Variants in RIMBP2 observed in about 807,000 individuals in gnomAD.
The protein encoded by RIMBP2 is RIMS-binding protein 2.
Under a neutral mutation model 118.6 loss-of-function variants are expected in RIMBP2, and 48 were observed. The ratio of observed to expected loss-of-function variants is 0.40; its 90% CI spans 0.32 to 0.51. The LOEUF (loss-of-function observed/expected upper bound fraction) is 0.51. RIMBP2 is among the 20% of genes least tolerant of loss of function. The pLI, the probability that RIMBP2 is intolerant of heterozygous loss-of-function variation, is 0.41. For missense variants in RIMBP2, 1,551 were observed against 1,768.3 expected, an observed-to-expected ratio of 0.88 and a Z score of 2.20; for synonymous variants, 762 against 742.9, an observed-to-expected ratio of 1.03 and a Z score of -0.42.
At position 130,620,673 on chromosome 12, in the gene RIMBP2, C is replaced by G. The variant is rs1050557140; in HGVS notation, c.-217+7649G>C. Among the ~76,000 whole-genome samples the G allele has an allele frequency of 6.6e-6, 1 of 152,160 alleles. No homozygotes were observed. The highest frequency in any genetic ancestry group is 2.4e-5 in the African/African-American group (1 of 41,434). On this transcript the variant is annotated intron_variant, in intron 2 of 22. Transcript: ENST00000690449. This position sits in a 1 kb window ranked among gnomAD's most constrained non-coding sequence, Gnocchi z 5.3. ...CTTCGTGGCTCCTAGAAGCACCACC[C>G]CAATCCCTGCCAATGTTCTCTGCAT...
rs1202317106 is a variant in RIMBP2 at position 130,450,315 on chromosome 12, G to A, written c.505-39C>T. The A allele has an allele frequency of 6.7e-7, 1 of 1,489,630 alleles. No individual in the cohort carries two copies. The highest frequency in any genetic ancestry group is 1.8e-5 in the Admixed American group (1 of 57,120). 92.3% of individuals were successfully genotyped at this position (1,489,630 alleles called of 1,614,324 possible). On this transcript the variant is annotated intron_variant, in intron 8 of 22. Coordinates refer to ENST00000690449, the MANE Select transcript of RIMBP2 (RefSeq NM_001393629.1). This position sits in a 1 kb window ranked among gnomAD's most constrained non-coding sequence, Gnocchi z 4.8. ...AATGGGTGTGTGGGTTATTGAAGCT[G>A]GAGGTGTCCCACCCCATTCCCGCGG...
In RIMBP2 at chr12:130,646,301, ACCTCCCTCACCACTTCCCTCT is replaced by A. The variant is rs1566423003; in HGVS notation, c.-351-17866_-351-17846del. 2.8e-5 allele frequency among the ~76,000 whole-genome samples: 3 copies of A among 106,730 alleles called. 1 individual carries two copies. Among genetic ancestry groups the A allele is most frequent in the Admixed American group, 2.8e-4 (3 of 10,796 alleles). 70.0% of individuals were successfully genotyped at this position (106,730 alleles called of 152,430 possible). Reference sequence around the variant, plus strand: ...CACCTCCCTCACCACCTGCCTCTCCACCTCCCTCACCACTTCCCTCTCCACCTGCCTCACCACCTCCCTCAC... The same window carrying A: ...CACCTCCCTCACCACCTGCCTCTCCACCACCTGCCTCACCACCTCCCTCAC... On this transcript the variant is annotated intron_variant, in intron 1 of 22. Coordinates refer to ENST00000690449, the MANE Select transcript of RIMBP2 (RefSeq NM_001393629.1).
intron 19 of RIMBP2, among the ~76,000 whole-genome samples, chr12:130,409,411 C>A (rs1041368149): frequency 6.7e-6 from 1 of 148,630 alleles, no homozygotes. Context: ...GGCGCGATCC[C>A]GGCTCACTGC....
In RIMBP2 at chr12:130,584,874, T is replaced by G. The variant is rs929027414; in HGVS notation, c.-217+43448A>C. 3.6e-5 allele frequency among the ~76,000 whole-genome samples: 3 copies of G among 84,396 alleles called. No homozygotes were observed. In the South Asian group the frequency reaches 1.3e-3, roughly 35 times the overall value. 55.4% of individuals were successfully genotyped at this position (84,396 alleles called of 152,430 possible). On this transcript the variant is annotated intron_variant, in intron 2 of 22. Coordinates refer to ENST00000690449, the MANE Select transcript of RIMBP2 (RefSeq NM_001393629.1). ...ATTTCATTCTTTGTAACTATTATAT[T>G]TTTATTTATTAAAGTTGTTCCATTC...
chr12:130,632,997 A>G (rs2062096884), intron 1 of RIMBP2, among the ~76,000 whole-genome samples: 1 of 152,200 alleles, frequency 6.6e-6, no homozygotes. Context: ...GCCTTCTGCC[A>G]GGAGGGAGGA....
chr12:130,647,353 A>G (rs1016982737), intron 1 of RIMBP2, among the ~76,000 whole-genome samples: 2 of 152,112 alleles, frequency 1.3e-5, no homozygotes, highest in African/African-American at 2.4e-5. Flanking sequence ...ACAAAGCAAG[A>G]CTGTCTCAAA....
intron 2 of RIMBP2, among the ~76,000 whole-genome samples, chr12:130,519,347 G>A (rs2051828289): frequency 6.6e-6 from 1 of 152,176 alleles, no homozygotes; most frequent in Admixed American, 6.5e-5. Context: ...GCTACTCTGT[G>A]GTAGCTACAT....
At position 130,618,256 on chromosome 12, in the gene RIMBP2, C is replaced by T. The variant is rs139359907; in HGVS notation, c.-217+10066G>A. Among the ~76,000 whole-genome samples, 152 of 152,274 alleles carry T rather than the reference C, an allele frequency of 1.0e-3. 2 individuals carry two copies. The South Asian group carries it at 0.015, about 15-fold the overall frequency. On this transcript the variant is annotated intron_variant, in intron 2 of 22. Coordinates refer to ENST00000690449, the MANE Select transcript of RIMBP2 (RefSeq NM_001393629.1). ...CTCAACGCCTTCCTCTCATCACATT[C>T]ACTCCTGGTTTGATCCAGTCAACAC...
chr12:130,464,932 G>T (rs1234808459), intron 6 of RIMBP2: 6 of 152,300 alleles, frequency 3.9e-5, no homozygotes, highest in Admixed American at 3.9e-4. Flanking sequence ...GGGGCCCACA[G>T]ACATGGTTCC....
chr12:130,437,316 C>T (rs752970533), intron 12 of RIMBP2, 25 bp from the exon 13 acceptor site: 31 of 1,542,688 alleles, frequency 2.0e-5, no homozygotes, highest in Non-Finnish European at 2.5e-5. Flanking sequence ...AGCTGGCTCG[C>T]GGGCTGCCCG....
At chr12:130,671,667 A>G (rs60806074) in intron 1 of RIMBP2, among the ~76,000 whole-genome samples, 7,786 of 152,072 alleles carry the variant, frequency 0.051, 308 homozygotes, top group African/African-American at 0.11. Context: ...GATGTTTTGC[A>G]GCACCGCTGG....
intron 1 of RIMBP2, among the ~76,000 whole-genome samples, chr12:130,639,019 G>A (rs891508704): frequency 1.5e-4 from 23 of 152,252 alleles, no homozygotes; most frequent in Admixed American, 1.3e-3. Context: ...GAAACTGTGG[G>A]GTCAGGAAGA....
chr12:130,553,173 A>T (rs934373504), intron 2 of RIMBP2, among the ~76,000 whole-genome samples: 5 of 151,630 alleles, frequency 3.3e-5, no homozygotes, highest in African/African-American at 1.2e-4. Flanking sequence ...AAAGAAAAGA[A>T]AAGAAAATAG....
chr12:130,546,569 T>C (rs4533078), intron 2 of RIMBP2, among the ~76,000 whole-genome samples: 47,618 of 152,074 alleles, frequency 0.31, 7,788 homozygotes, highest in South Asian at 0.43. Flanking sequence ...GTGCTGGGAT[T>C]ACAGGCTGAG....
intron 19 of RIMBP2, 22 bp downstream of exon 19, chr12:130,412,597 T>A: frequency 3.7e-6 from 6 of 1,607,066 alleles, no homozygotes; most frequent in Non-Finnish European, 5.1e-6. Flanking sequence ...ACAGGGAAGG[T>A]CGAATAGGGG....
rs1566192983 is a variant in RIMBP2, at chr12:130,523,683, C to T, written c.-216-5766G>A. Among the ~76,000 whole-genome samples the T allele has an allele frequency of 6.6e-6, 1 of 152,232 alleles. No homozygotes were observed. The highest frequency in any genetic ancestry group is 2.1e-4 in the South Asian group (1 of 4,818). ...TTTATTCATTTCAATAATCCCTCCA[C>T]CACCACCACTGAGTGTGTATGTGTC... On this transcript the variant is annotated intron_variant, in intron 2 of 22. Transcript: ENST00000690449. This position sits in a 1 kb window ranked among gnomAD's most constrained non-coding sequence, Gnocchi z 4.4.
intron 2 of RIMBP2, among the ~76,000 whole-genome samples, chr12:130,593,880 G>A (rs7969337): frequency 0.097 from 14,807 of 152,084 alleles, 1,389 homozygotes; most frequent in East Asian, 0.35. Context: ...TTTCCCAATC[G>A]CTACAACTTA....
chr12:130,625,022 G>T (rs2029265), intron 2 of RIMBP2, among the ~76,000 whole-genome samples: 1 of 152,164 alleles, frequency 6.6e-6, no homozygotes, highest in Non-Finnish European at 1.5e-5. Flanking sequence ...CACGCCAGCC[G>T]ACCTATCTGG....
intron 1 of RIMBP2, among the ~76,000 whole-genome samples, chr12:130,677,840 A>G (rs1230713754): frequency 6.6e-6 from 1 of 152,274 alleles, no homozygotes; most frequent in Non-Finnish European, 1.5e-5. Flanking sequence ...AGCAATGTTC[A>G]TTTTAAAGCA....
Sources: gnomAD v4.1 joint callset for allele counts (sites outside exome capture counted in the v4.1 genomes callset) on GRCh38, gnomAD v4.1.1 for gene constraint, Gnocchi (gnomAD v3.1) non-coding constraint, MANE v1.5 for transcripts, NCBI Gene and HGNC (gene_info 2026-07-23, HGNC 2026-07-21) for gene names.